The following PCDH9 variants were observed in gnomAD, a reference collection of about 807,000 sequenced individuals.
PCDH9 encodes protocadherin 9.
PCDH9 carries 24 observed loss-of-function variants against 70.6 expected under a neutral mutation model. That is an observed-to-expected ratio of 0.34 (90% CI 0.25 to 0.48). PCDH9 has a LOEUF of 0.48. Among genes scored for constraint, PCDH9 ranks in the 20% least tolerant of loss-of-function variants. The probability of loss-of-function intolerance (pLI) is 0.99; values close to 1 mark genes in which losing one functional copy is unlikely to be tolerated. For synonymous variants in PCDH9, 562 were observed against 558.5 expected (o/e 1.01, Z -0.09); for missense variants, 1,281 against 1,503.6 (o/e 0.85, Z 2.45).
chr13:67,105,642 T>C (rs2086524761), intron 2 of PCDH9, among the ~76,000 whole-genome samples: 1 of 152,104 alleles, frequency 6.6e-6, no homozygotes. Context: ...TGAAACACTT[T>C]TGTGTGTTTT....
chr13:67,177,622 T>C (rs2088499143), intron 2 of PCDH9, among the ~76,000 whole-genome samples: 2 of 151,938 alleles, frequency 1.3e-5, no homozygotes, highest in South Asian at 4.1e-4. Context: ...TGCATAATGC[T>C]TGAATATTGG....
At chr13:66,380,426 A>T (rs1956824335) in intron 4 of PCDH9, among the ~76,000 whole-genome samples, 1 of 152,094 alleles carries the variant, frequency 6.6e-6, no homozygotes, top group African/African-American at 2.4e-5. Context: ...GGAACTTGTG[A>T]AGTGATAAGA....
intron 2 of PCDH9, among the ~76,000 whole-genome samples, chr13:67,030,111 C>T (rs1476916678): frequency 1.3e-5 from 2 of 152,072 alleles, no homozygotes; most frequent in Non-Finnish European, 2.9e-5. Context: ...GATGGAGTCT[C>T]GCTCTGTCAC....
At chr13:66,367,903 A>G (rs1956580272) in intron 4 of PCDH9, among the ~76,000 whole-genome samples, 1 of 152,178 alleles carries the variant, frequency 6.6e-6, no homozygotes, top group Non-Finnish European at 1.5e-5. Context: ...CATATGTAAC[A>G]CATAAAATTA....
At chr13:66,658,762 C>T (rs2077966408) in intron 3 of PCDH9, among the ~76,000 whole-genome samples, 1 of 152,096 alleles carries the variant, frequency 6.6e-6, no homozygotes, top group African/African-American at 2.4e-5. Context: ...TTGTACTTTG[C>T]AATCTATGAC....
intron 3 of PCDH9, among the ~76,000 whole-genome samples, chr13:66,699,081 A>C (rs2078602605): frequency 6.6e-6 from 1 of 151,560 alleles, no homozygotes; most frequent in Admixed American, 6.6e-5. Flanking sequence ...TGTCCGGCTA[A>C]TTTTTGTATT....
intron 4 of PCDH9, among the ~76,000 whole-genome samples, chr13:66,421,544 T>A (rs1957567476): frequency 6.6e-6 from 1 of 152,090 alleles, no homozygotes; most frequent in African/African-American, 2.4e-5. Context: ...AACACAGAAT[T>A]TCATACCCAG....
Position 66,854,033 on chromosome 13 carries a change from T to C in PCDH9, c.3138+49471A>G, listed in dbSNP as rs2081355888. Among the ~76,000 whole-genome samples the C allele has an allele frequency of 2.0e-5, 3 of 152,226 alleles. No homozygotes were observed. In the South Asian group the frequency reaches 6.2e-4, roughly 31 times the overall value. On this transcript the variant is annotated intron_variant, in intron 3 of 4. Transcript: ENST00000377865. ...AAGATGTGAGGTAAAGCTTTGAACATGAGATTCAAAAATCAAAGAAGCACT... is the reference window on the plus strand; with the variant it reads ...AAGATGTGAGGTAAAGCTTTGAACACGAGATTCAAAAATCAAAGAAGCACT...
intron 2 of PCDH9, among the ~76,000 whole-genome samples, chr13:67,045,588 C>T (rs1195100600): frequency 6.6e-6 from 1 of 151,948 alleles, no homozygotes; most frequent in African/African-American, 2.4e-5. Context: ...AAAGGCTATT[C>T]TGTGGCTAAA....
At chr13:66,789,582 A>C (rs2080132057) in intron 3 of PCDH9, among the ~76,000 whole-genome samples, 2 of 152,088 alleles carry the variant, frequency 1.3e-5, no homozygotes, top group South Asian at 4.1e-4. Context: ...AAACTACTTT[A>C]AGTCTCTAAA....
chr13:66,419,713 A>C (rs1593948934), intron 4 of PCDH9, among the ~76,000 whole-genome samples: 1 of 151,448 alleles, frequency 6.6e-6, no homozygotes, highest in East Asian at 2.0e-4. Context: ...GGTTTCAAGC[A>C]CAAAACTGGG....
chr13:66,978,910 C>T (rs1258153787), intron 2 of PCDH9, among the ~76,000 whole-genome samples: 7 of 151,274 alleles, frequency 4.6e-5, no homozygotes, highest in African/African-American at 2.4e-5. Context: ...TATATATTTA[C>T]ATACAGTTAC....
At chr13:66,554,538 A>G (rs538022083) in intron 4 of PCDH9, among the ~76,000 whole-genome samples, 5 of 152,262 alleles carry the variant, frequency 3.3e-5, no homozygotes, top group Admixed American at 3.3e-4. Flanking sequence ...TTTCTGAATT[A>G]AAGTAAACTA....
intron 2 of PCDH9, among the ~76,000 whole-genome samples, chr13:67,170,932 A>G (rs1201677356): frequency 6.6e-6 from 1 of 152,108 alleles, no homozygotes; most frequent in Non-Finnish European, 1.5e-5. Context: ...CTCAAAAACA[A>G]AAACAAAAAA....
At chr13:66,981,146 AG>A (rs1207923586) in intron 2 of PCDH9, among the ~76,000 whole-genome samples, 1 of 152,216 alleles carries the variant, frequency 6.6e-6, no homozygotes, top group African/African-American at 2.4e-5. Flanking sequence ...AGCATGAAAT[AG>A]TAAAAGGTAG....
chr13:67,079,648 T>G (rs1282233892), intron 2 of PCDH9, among the ~76,000 whole-genome samples: 1 of 152,198 alleles, frequency 6.6e-6, no homozygotes, highest in African/African-American at 2.4e-5. Flanking sequence ...AAGCTGTCTT[T>G]TGTGGGAAAA....
At chr13:66,454,669 G>A (rs1338787889) in intron 4 of PCDH9, among the ~76,000 whole-genome samples, 1 of 152,096 alleles carries the variant, frequency 6.6e-6, no homozygotes, top group Non-Finnish European at 1.5e-5. Context: ...AAGGTCAGGG[G>A]TTACTGGCAA....
chr13:67,154,208 T>G (rs1482835503), intron 2 of PCDH9, among the ~76,000 whole-genome samples: 1 of 152,206 alleles, frequency 6.6e-6, no homozygotes, highest in East Asian at 1.9e-4. Context: ...ATCCCAGCAC[T>G]TTGAGGGGCT....
chr13:66,666,212 G>A (rs2078094506), intron 3 of PCDH9, among the ~76,000 whole-genome samples: 1 of 152,208 alleles, frequency 6.6e-6, no homozygotes, highest in Non-Finnish European at 1.5e-5. Flanking sequence ...CAGGTCAAAC[G>A]TGGAGCAGGC....
Sources: gnomAD v4.1 joint callset for allele counts (sites outside exome capture counted in the v4.1 genomes callset) on GRCh38, gnomAD v4.1.1 for gene constraint, MANE v1.5 for transcripts, NCBI Gene and HGNC (gene_info 2026-07-23, HGNC 2026-07-21) for gene names.